MRPS6: variants seen among roughly 807,000 people sequenced by gnomAD.
The protein encoded by MRPS6 is mitochondrial ribosomal protein S6, also known as small ribosomal subunit protein bS6m.
In MRPS6, 6 loss-of-function variants were observed where a neutral mutation model predicts 13.1. The observed-to-expected ratio is 0.46, with a 90% CI of 0.25 to 0.91. The LOEUF (loss-of-function observed/expected upper bound fraction) is 0.91. MRPS6 is among the 40% of genes least tolerant of loss of function. The probability of loss-of-function intolerance (pLI) is 0.18; values close to 1 mark genes in which losing one functional copy is unlikely to be tolerated. For synonymous variants in MRPS6, 61 were observed against 56.5 expected (o/e 1.08, Z -0.36); for missense variants, 164 against 155.6 (o/e 1.05, Z -0.29).
At chr21:34,097,601 C>G (rs1602931779) in intron 1 of MRPS6, 2 of 1,233,792 alleles carry the variant, frequency 1.6e-6, no homozygotes, top group East Asian at 4.0e-5. Flanking sequence ...ATTTTGCATA[C>G]CAAAGTAAGA....
In MRPS6 at chr21:34,116,214, G is replaced by GTGTGTGTGTGTA. The variant is rs1448441396; in HGVS notation, c.46-9124_46-9123insGTGTGTGTATGT. On this transcript the variant is annotated intron_variant, in intron 1 of 2. Transcript: ENST00000399312. The stretch of plus-strand genomic sequence containing the variant: ...TGTGTGTGTGTGTGTGTGTGTGTGT[G>GTGTGTGTGTGTA]TGTATGTGTGTTTTGTAGAGATGGG... Among the ~76,000 whole-genome samples the GTGTGTGTGTGTA allele has an allele frequency of 5.6e-4, 82 of 145,464 alleles. 1 individual carries two copies. The highest frequency in any genetic ancestry group is 2.0e-3 in the African/African-American group (79 of 38,714).
intron 1 of MRPS6, among the ~76,000 whole-genome samples, chr21:34,078,280 T>C (rs1469324187): frequency 6.6e-6 from 1 of 152,140 alleles, no homozygotes; most frequent in African/African-American, 2.4e-5. Flanking sequence ...CTGTGAACAA[T>C]GTTATACTTT....
chr21:34,094,628 G>T (rs1978879718), intron 1 of MRPS6, among the ~76,000 whole-genome samples: 1 of 152,218 alleles, frequency 6.6e-6, no homozygotes, highest in African/African-American at 2.4e-5. Flanking sequence ...ACTTAGTTAT[G>T]AGGTAGATGA....
chr21:34,134,890 G>A (rs536256141), intron 2 of MRPS6, among the ~76,000 whole-genome samples: 1 of 152,192 alleles, frequency 6.6e-6, no homozygotes, highest in Non-Finnish European at 1.5e-5. Context: ...TAGGCTAAGC[G>A]TTCTGGGCAT....
At chr21:34,125,265 C>G in intron 1 of MRPS6, 76 bp from the exon 2 acceptor site, 1 of 1,559,672 alleles carries the variant, frequency 6.4e-7, no homozygotes, top group East Asian at 2.3e-5. Flanking sequence ...TGGAACTGAG[C>G]AGACTTAATC....
chr21:34,090,300 G>T (rs1978619612), intron 1 of MRPS6, among the ~76,000 whole-genome samples: 1 of 152,160 alleles, frequency 6.6e-6, no homozygotes, highest in Admixed American at 6.5e-5. Flanking sequence ...TCCTATGTGA[G>T]TACACATACA....
At chr21:34,095,334 A>G (rs1237869570) in intron 1 of MRPS6, 3 of 1,614,024 alleles carry the variant, frequency 1.9e-6, no homozygotes, top group Non-Finnish European at 2.5e-6. Flanking sequence ...GGGGCGCTCT[A>G]TGACCTGGGT....
intron 1 of MRPS6, chr21:34,101,660 T>C: frequency 6.0e-6 from 6 of 1,000,222 alleles, no homozygotes; most frequent in Non-Finnish European, 4.8e-6. Context: ...TAGTTCACTT[T>C]AAGGCATATT....
intron 1 of MRPS6, chr21:34,104,714 A>T (rs3180668): frequency 1.0e-6 from 1 of 1,000,216 alleles, no homozygotes; most frequent in African/African-American, 1.7e-5. Flanking sequence ...GGGGAAGAAG[A>T]TTACCAGAAG....
At chr21:34,074,378 G>T (rs1003757257) in intron 1 of MRPS6, among the ~76,000 whole-genome samples, 2 of 152,190 alleles carry the variant, frequency 1.3e-5, no homozygotes, top group African/African-American at 4.8e-5. Context: ...CGAAAATCCC[G>T]CTCCGGGTGC....
At chr21:34,100,432 T>C (rs1602935532) in intron 1 of MRPS6, 2 of 1,000,280 alleles carry the variant, frequency 2.0e-6, no homozygotes, top group Non-Finnish European at 2.4e-6. Context: ...GGGGTAATTA[T>C]GCTTTGTCTT....
At chr21:34,095,042 C>G in intron 1 of MRPS6, 1 of 882,004 alleles carries the variant, frequency 1.1e-6, no homozygotes, top group Non-Finnish European at 1.6e-6. Flanking sequence ...CCACCACCAT[C>G]AAGACAGCAA....
intron 2 of MRPS6, among the ~76,000 whole-genome samples, chr21:34,141,330 A>G (rs1415498574): frequency 2.0e-5 from 3 of 152,162 alleles, no homozygotes; most frequent in Non-Finnish European, 4.4e-5. Context: ...AGTGAGGGCA[A>G]TGGAGAGTGA....
At chr21:34,110,071 ACATGTT>A (rs1445574282) in intron 1 of MRPS6, among the ~76,000 whole-genome samples, 1 of 152,176 alleles carries the variant, frequency 6.6e-6, no homozygotes, top group Non-Finnish European at 1.5e-5. Flanking sequence ...CCCTGAGATA[ACATGTT>A]GCCTACCAGA....
chr21:34,115,310 G>A (rs1022010099), intron 1 of MRPS6, among the ~76,000 whole-genome samples: 2 of 152,172 alleles, frequency 1.3e-5, no homozygotes, highest in Non-Finnish European at 2.9e-5. Flanking sequence ...GGTCTCAAGA[G>A]TCTTATTCCT....
intron 1 of MRPS6, among the ~76,000 whole-genome samples, chr21:34,119,157 C>T (rs1332993124): frequency 6.6e-6 from 1 of 152,192 alleles, no homozygotes; most frequent in East Asian, 1.9e-4. Context: ...AAAAGAGGTT[C>T]TCTACAATGA....
At chr21:34,079,131 C>T (rs76930961) in intron 1 of MRPS6, among the ~76,000 whole-genome samples, 300 of 152,256 alleles carry the variant, frequency 2.0e-3, no homozygotes, top group Non-Finnish European at 3.6e-3. Context: ...CAGATCTGAC[C>T]TGTCACCTAT....
chr21:34,077,561 AAGAT>A (rs1989362340), intron 1 of MRPS6, among the ~76,000 whole-genome samples: 2 of 152,354 alleles, frequency 1.3e-5, no homozygotes, highest in East Asian at 1.9e-4. Flanking sequence ...CATGTACAAT[AAGAT>A]AGCATTTATA....
intron 1 of MRPS6, among the ~76,000 whole-genome samples, chr21:34,109,532 T>C (rs1979615459): frequency 6.6e-6 from 1 of 152,220 alleles, no homozygotes; most frequent in African/African-American, 2.4e-5. Flanking sequence ...AGTACTACCA[T>C]TTAGAGCTGT....
Sources: allele counts gnomAD v4.1 joint callset (sites outside exome capture counted in the v4.1 genomes callset), GRCh38; gene constraint gnomAD v4.1.1; transcripts MANE v1.5; gene names NCBI Gene and HGNC (gene_info 2026-07-23, HGNC 2026-07-21).